Variants in MRTFA observed in about 807,000 individuals in gnomAD.
MRTFA encodes myocardin related transcription factor A.
In MRTFA, 20 loss-of-function variants were observed where a neutral mutation model predicts 83.5. The observed-to-expected ratio is 0.24, with a 90% CI of 0.17 to 0.35. The LOEUF is 0.35. Ranked by LOEUF, MRTFA falls within the 10% of genes least tolerant of loss-of-function variation. The pLI is 1.00. For synonymous variants in MRTFA, 659 were observed against 541.2 expected (o/e 1.22, Z -3.02); for missense variants, 1,200 against 1,224.7 (o/e 0.98, Z 0.30).
rs934877117 is a variant in MRTFA at position 40,416,447 on chromosome 22, C to T, written c.2578+539G>A. Among the ~76,000 whole-genome samples the T allele has an allele frequency of 6.6e-6, 1 of 152,222 alleles. No individual in the cohort carries two copies. Among genetic ancestry groups the T allele is most frequent in the Non-Finnish European group, 1.5e-5 (1 of 68,046 alleles). On this transcript the variant is annotated intron_variant, in intron 14 of 14. Transcript: ENST00000355630. This position sits in a 1 kb window ranked among gnomAD's most constrained non-coding sequence, Gnocchi z 4.2. The stretch of plus-strand genomic sequence containing the variant: ...GCGATGGCTTCCCACACAATGGAGC[C>T]AAAGCCACCCTGCCCTGGTGCCCAG...
At chr22:40,560,374 C>A (rs1242640369) in intron 2 of MRTFA, among the ~76,000 whole-genome samples, 1 of 152,182 alleles carries the variant, frequency 6.6e-6, no homozygotes, top group African/African-American at 2.4e-5. Context: ...CATATACAAG[C>A]ACTGACAAAA....
chr22:40,544,610 A>G (rs1463540373), intron 3 of MRTFA, among the ~76,000 whole-genome samples: 5 of 152,234 alleles, frequency 3.3e-5, no homozygotes, highest in Admixed American at 3.3e-4. Context: ...TCTGCAATAC[A>G]CTTAAGCAAC....
rs115065830 is a variant in MRTFA, at chr22:40,433,178, T to A, written c.364-1698A>T. ...TGATGTCAAATGGCTGAAACCTGAC[T>A]ACCTAGAGGCTACTCTGGACTGGTT... On this transcript the variant is annotated intron_variant, in intron 5 of 14. Coordinates refer to ENST00000355630, the MANE Select transcript of MRTFA (RefSeq NM_020831.6). 1,164 of 166,188 alleles carry A rather than the reference T, an allele frequency of 7.0e-3. 15 individuals are homozygous for A. Among genetic ancestry groups the A allele is most frequent in the African/African-American group, 0.027 (1,119 of 42,128 alleles). The allele number at this position is 166,188 out of a possible 1,614,324, so 10.3% of individuals were successfully genotyped here.
chr22:40,526,347 G>C (rs1395994865), intron 3 of MRTFA: 1 of 152,088 alleles, frequency 6.6e-6, no homozygotes, highest in African/African-American at 2.4e-5. Flanking sequence ...AGTAACATCT[G>C]ATCAAAAATC....
At chr22:40,597,461 A>G (rs1185076948) in intron 1 of MRTFA, among the ~76,000 whole-genome samples, 1 of 152,218 alleles carries the variant, frequency 6.6e-6, no homozygotes, top group Non-Finnish European at 1.5e-5. Context: ...TAATTTAAAT[A>G]TTATGGTTGG....
intron 2 of MRTFA, among the ~76,000 whole-genome samples, chr22:40,571,921 C>CAAAAAAAA (rs557782525): frequency 1.6e-4 from 3 of 18,734 alleles, no homozygotes; most frequent in East Asian, 1.2e-3. Flanking sequence ...AAGACTCTGT[C>CAAAAAAAA]AAAAAAAAAA....
At chr22:40,431,848 G>A (rs1252130996) in intron 5 of MRTFA, among the ~76,000 whole-genome samples, 2 of 152,194 alleles carry the variant, frequency 1.3e-5, no homozygotes, top group African/African-American at 2.4e-5. Flanking sequence ...GCCACTCTTA[G>A]TATTCTGGGA....
intron 2 of MRTFA, among the ~76,000 whole-genome samples, chr22:40,554,425 T>C (rs1183541934): frequency 6.6e-6 from 1 of 152,164 alleles, no homozygotes; most frequent in African/African-American, 2.4e-5. Flanking sequence ...GTTACCTCCA[T>C]GCTGTTCTCA....
intron 4 of MRTFA, among the ~76,000 whole-genome samples, chr22:40,442,141 T>C (rs2053289086): frequency 1.3e-5 from 2 of 152,192 alleles, no homozygotes; most frequent in African/African-American, 4.8e-5. Context: ...GAGCAAGGAA[T>C]GACAACAATT....
At chr22:40,453,890 A>G (rs908285220) in intron 4 of MRTFA, among the ~76,000 whole-genome samples, 1 of 152,078 alleles carries the variant, frequency 6.6e-6, no homozygotes, top group Admixed American at 6.6e-5. Context: ...TAACACAGCC[A>G]CTTGTTTGTT....
At chr22:40,472,039 A>G (rs978385269) in intron 3 of MRTFA, among the ~76,000 whole-genome samples, 20 of 152,238 alleles carry the variant, frequency 1.3e-4, no homozygotes, top group Middle Eastern at 3.2e-3. Context: ...CCTTATTAAC[A>G]TAGTCACAAA....
At chr22:40,587,526 A>C (rs1189126570) in intron 2 of MRTFA, 1 of 293,680 alleles carries the variant, frequency 3.4e-6, no homozygotes, top group Non-Finnish European at 6.7e-6. Flanking sequence ...TGTAGCCTTC[A>C]ACTTTATCTC....
chr22:40,607,834 G>A (rs1408543560), intron 1 of MRTFA, among the ~76,000 whole-genome samples: 2 of 152,132 alleles, frequency 1.3e-5, no homozygotes, highest in East Asian at 3.8e-4. Context: ...TTTTGAAATG[G>A]AATGATTTTT....
In MRTFA at chr22:40,629,935, G is replaced by A. The variant is rs1761145937; in HGVS notation, c.-84+6543C>T. Among the ~76,000 whole-genome samples the A allele has an allele frequency of 2.0e-5, 3 of 151,954 alleles. No homozygotes were observed. The South Asian group carries it at 6.2e-4, about 32-fold the overall frequency. On this transcript the variant is annotated intron_variant, in intron 1 of 14. Transcript: ENST00000355630. ...ATATGCTTCACAAGAGCTTAGAGGT[G>A]GAACTAGGGCCCACACTAATACCTA...
At chr22:40,472,509 G>T (rs2053932123) in intron 3 of MRTFA, among the ~76,000 whole-genome samples, 1 of 151,936 alleles carries the variant, frequency 6.6e-6, no homozygotes, top group South Asian at 2.1e-4. Flanking sequence ...CAATAAACAT[G>T]TTATTATTTC....
chr22:40,414,779 G>A (rs1038167393), intron 14 of MRTFA, among the ~76,000 whole-genome samples: 7 of 152,144 alleles, frequency 4.6e-5, no homozygotes, highest in Non-Finnish European at 7.4e-5. Flanking sequence ...GTTCTGGAGC[G>A]GATAGGGGTG....
chr22:40,585,785 CAG>C (rs1343081131), intron 2 of MRTFA, among the ~76,000 whole-genome samples: 1 of 152,138 alleles, frequency 6.6e-6, no homozygotes, highest in Non-Finnish European at 1.5e-5. Context: ...AATAGTTGAG[CAG>C]AGAGATATAG....
rs2055210418 is a variant in MRTFA, at chr22:40,537,797, G to A, written c.241+14309C>T. Among the ~76,000 whole-genome samples, 3 of 29,710 alleles carry A rather than the reference G, an allele frequency of 1.0e-4. No homozygotes were observed. In the South Asian group the frequency reaches 2.6e-3, roughly 25 times the overall value. The allele number at this position is 29,710 out of a possible 152,430, so 19.5% of individuals were successfully genotyped here. The stretch of plus-strand genomic sequence containing the variant: ...GGGTCAGCCCCCCGCCTGGCCAGCC[G>A]CCCCGTCCGGGAGGGAGGTGGGGGG... On this transcript the variant is annotated intron_variant, in intron 3 of 14. Transcript: ENST00000355630.
intron 9 of MRTFA, among the ~76,000 whole-genome samples, chr22:40,422,128 CAGGCAG>C (rs143872092): frequency 0.18 from 26,873 of 151,250 alleles, 2,572 homozygotes; most frequent in East Asian, 0.24. Flanking sequence ...GGAAGAAGTA[CAGGCAG>C]AGGCAGAGGC....
Sources: allele counts gnomAD v4.1 joint callset (sites outside exome capture counted in the v4.1 genomes callset), GRCh38; gene constraint gnomAD v4.1.1; non-coding constraint Gnocchi (gnomAD v3.1); transcripts MANE v1.5; gene names NCBI Gene and HGNC (gene_info 2026-07-23, HGNC 2026-07-21).